The following ADAM7 variants were observed in gnomAD, a reference collection of about 807,000 sequenced individuals.
ADAM7 encodes disintegrin and metalloproteinase domain-containing protein 7.
ADAM7 carries 97 observed loss-of-function variants against 102.9 expected under a neutral mutation model. The observed-to-expected ratio is 0.94, with a 90% CI of 0.80 to 1.12. The LOEUF is 1.12. Ranked by LOEUF, ADAM7 falls within the 50% of genes most tolerant of loss-of-function variation. The pLI, the probability that ADAM7 is intolerant of heterozygous loss-of-function variation, is 0.00. For synonymous variants in ADAM7, 334 were observed against 304.4 expected (o/e 1.10, Z -1.01); for missense variants, 991 against 908.7 (o/e 1.09, Z -1.16).
chr8:24,469,584 TA>T (rs1435084401), intron 7 of ADAM7, among the ~76,000 whole-genome samples: 1 of 151,734 alleles, frequency 6.6e-6, no homozygotes, highest in East Asian at 1.9e-4. Context: ...TAATCCAAGA[TA>T]AAATGAACCA....
intron 12 of ADAM7, 89 bp from the exon 13 acceptor site, chr8:24,490,710 A>G: frequency 7.6e-7 from 1 of 1,310,300 alleles, no homozygotes; most frequent in Non-Finnish European, 1.1e-6. Context: ...TAACTCTATC[A>G]GAATCCACAG....
chr8:24,471,903 T>C (rs1036030459), intron 7 of ADAM7, among the ~76,000 whole-genome samples: 1 of 151,954 alleles, frequency 6.6e-6, no homozygotes, highest in Admixed American at 6.6e-5. Context: ...AAGGACATTA[T>C]GACATTTATA....
Position 24,476,502 on chromosome 8 carries a change from A to G in ADAM7, c.703A>G (p.Met235Val). 6.2e-7 allele frequency: 1 copy of G among 1,606,038 alleles called. No homozygotes were observed. ...RIWGMVNFVN[M>V]IYKTLNIHVT... ...TTGGGGAATGGTCAATTTTGTCAAC[A>G]TGGTAAGATTTGATACAGTTTTTGA... The change falls in exon 8 of 22, where the codon ATG becomes GTG. Residue 235 changes from methionine to valine, a missense_variant and splice_region_variant. Met to Val is a conservative substitution (Grantham distance 21). Transcript: ENST00000175238.
In ADAM7 at chr8:24,500,777, C is replaced by A; in HGVS notation, c.2003-13C>A. 1 of 1,605,356 alleles carries A rather than the reference C, an allele frequency of 6.2e-7. No individual in the cohort carries two copies. The highest frequency in any genetic ancestry group is 8.5e-7 in the Non-Finnish European group (1 of 1,172,872). On this transcript the variant is annotated splice_polypyrimidine_tract_variant and intron_variant, in intron 18 of 21. Coordinates refer to ENST00000175238, the MANE Select transcript of ADAM7 (RefSeq NM_003817.4). Reference sequence around the variant, plus strand: ...GATACCCTCGATGAAGCCCATGTTTCTTCATGTTGCAGATATCACCATCTT... The same window carrying A: ...GATACCCTCGATGAAGCCCATGTTTATTCATGTTGCAGATATCACCATCTT...
At chr8:24,486,817 C>T (rs1820160279) in intron 10 of ADAM7, among the ~76,000 whole-genome samples, 1 of 152,006 alleles carries the variant, frequency 6.6e-6, no homozygotes, top group Non-Finnish European at 1.5e-5. Flanking sequence ...AGTGTCATCA[C>T]CTTGAAGTTA....
intron 20 of ADAM7, among the ~76,000 whole-genome samples, chr8:24,503,025 A>C (rs905104984): frequency 6.6e-6 from 1 of 152,184 alleles, no homozygotes. Context: ...ATGATCATAT[A>C]TAGAGGATAA....
At position 24,441,118 on chromosome 8, in the gene ADAM7, G is replaced by C. The variant is rs370398327; in HGVS notation, c.10G>C (p.Gly4Arg). 1.2e-6 allele frequency: 2 copies of C among 1,613,524 alleles called. No homozygotes were observed. The highest frequency in any genetic ancestry group is 1.7e-6 in the Non-Finnish European group (2 of 1,179,644). Residue 4 changes from glycine (G) to arginine (R), a missense_variant, in exon 1 of 22, where the codon GGG becomes CGG. Transcript: ENST00000175238. ...ACCAGAATCACTCAGAATGCTTCCC[G>C]GGTGTATATTCTTGATGATTTTACT... The part of the protein sequence containing the change: MLP[G>R]CIFLMILLIP...
chr8:24,468,391 C>T (rs1463150534), intron 6 of ADAM7, among the ~76,000 whole-genome samples: 1 of 151,902 alleles, frequency 6.6e-6, no homozygotes, highest in Non-Finnish European at 1.5e-5. Context: ...AGAGCTAATG[C>T]ATGCTAGGCT....
chr8:24,490,962 A>T lies in ADAM7; in HGVS notation c.1356+74A>T, dbSNP rs1563392203. The T allele has an allele frequency of 2.7e-6, 4 of 1,464,032 alleles. No homozygotes were observed. The East Asian group carries it at 6.8e-5, about 25-fold the overall frequency. The allele number at this position is 1,464,032 out of a possible 1,614,324, so 90.7% of individuals were successfully genotyped here. ...TGTAGGATCCAAGAGTTATCTAACC[A>T]CTGGACAGCCCTGCACCACTGACTC... is the stretch of plus-strand genomic sequence containing the variant. On this transcript the variant is annotated intron_variant, in intron 13 of 21. Coordinates refer to ENST00000175238, the MANE Select transcript of ADAM7 (RefSeq NM_003817.4).
chr8:24,506,787 AC>A (rs1820965640), intron 20 of ADAM7, among the ~76,000 whole-genome samples: 5 of 151,544 alleles, frequency 3.3e-5, no homozygotes, highest in Non-Finnish European at 4.4e-5. Flanking sequence ...ACACACACAC[AC>A]ACAAAATAGA....
chr8:24,453,874 G>T (rs1207306685), intron 3 of ADAM7, among the ~76,000 whole-genome samples: 1 of 152,224 alleles, frequency 6.6e-6, no homozygotes, highest in Admixed American at 6.5e-5. Context: ...CTAACAGACA[G>T]GACCCTCAGC....
intron 7 of ADAM7, among the ~76,000 whole-genome samples, chr8:24,471,497 A>G (rs1287558926): frequency 6.9e-6 from 1 of 144,206 alleles, no homozygotes; most frequent in Non-Finnish European, 1.5e-5. Context: ...ACCATTTTTT[A>G]TTGTACTTTT....
intron 3 of ADAM7, among the ~76,000 whole-genome samples, chr8:24,462,342 T>C (rs1819272636): frequency 1.3e-5 from 2 of 152,242 alleles, no homozygotes; most frequent in African/African-American, 4.8e-5. Context: ...GATTACTGTG[T>C]ACATTCCTGT....
intron 3 of ADAM7, among the ~76,000 whole-genome samples, chr8:24,462,638 C>T (rs543031999): frequency 2.0e-5 from 3 of 152,230 alleles, no homozygotes; most frequent in Admixed American, 6.5e-5. Flanking sequence ...TATGTATTAT[C>T]CAGAACTAAA....
Position 24,493,139 on chromosome 8 carries a change from T to C in ADAM7, c.1752T>C (p.Asn584=). 6.2e-7 allele frequency: 1 copy of C among 1,613,532 alleles called. No individual in the cohort carries two copies. Among genetic ancestry groups the C allele is most frequent in the Non-Finnish European group, 8.5e-7 (1 of 1,179,672 alleles). ...KTYHLKDPQK[N]ATVKCKTIFL... is the part of the protein sequence containing the mutation. ...ATCACCTTAAGGATCCCCAGAAGAA[T>C]GCTACTGTCAAATGCAAAACTATTT... The change falls in exon 16 of 22, where the codon AAT becomes AAC. Residue 584 remains asparagine (N), a synonymous_variant. Transcript: ENST00000175238.
intron 9 of ADAM7, 104 bp from the exon 10 acceptor site, chr8:24,485,173 C>A: frequency 2.0e-6 from 2 of 1,019,142 alleles, no homozygotes; most frequent in Non-Finnish European, 1.5e-6. Context: ...AAGGCATTTT[C>A]ACATGCAAAA....
intron 21 of ADAM7, 80 bp from the exon 22 acceptor site, chr8:24,508,466 G>T: frequency 7.2e-7 from 1 of 1,395,860 alleles, no homozygotes; most frequent in Non-Finnish European, 1.0e-6. Flanking sequence ...CTAATTAGTA[G>T]ATATAAATGA....
At chr8:24,496,416 TAAG>T (rs1820555501) in intron 16 of ADAM7, among the ~76,000 whole-genome samples, 1 of 152,124 alleles carries the variant, frequency 6.6e-6, no homozygotes, top group Admixed American at 6.5e-5. Flanking sequence ...AGTGGAGCTG[TAAG>T]AAGAGGGCCA....
intron 16 of ADAM7, among the ~76,000 whole-genome samples, chr8:24,496,647 C>T (rs536167618): frequency 2.0e-5 from 3 of 152,338 alleles, no homozygotes; most frequent in South Asian, 4.1e-4. Context: ...CATTTTGGAG[C>T]TTTAAGATTT....
Sources: allele counts gnomAD v4.1 joint callset (sites outside exome capture counted in the v4.1 genomes callset), GRCh38; gene constraint gnomAD v4.1.1; transcripts MANE v1.5; gene names NCBI Gene and HGNC (gene_info 2026-07-23, HGNC 2026-07-21).